The following PUM2 variants were observed in gnomAD, a reference collection of about 807,000 sequenced individuals.
PUM2 encodes the protein pumilio homolog 2.
PUM2 carries 57 observed loss-of-function variants against 124.5 expected under a neutral mutation model. The observed-to-expected ratio is 0.46, with a 90% CI of 0.37 to 0.57. PUM2 has a LOEUF of 0.57. Ranked by LOEUF, PUM2 falls within the 20% of genes least tolerant of loss-of-function variation. The probability of loss-of-function intolerance (pLI) is 0.00; values close to 1 mark genes in which losing one functional copy is unlikely to be tolerated. For missense variants in PUM2, 1,065 were observed against 1,290.6 expected (o/e 0.83, Z 2.68); for synonymous variants, 460 against 446.1 (o/e 1.03, Z -0.39).
At chr2:20,341,890 G>A (rs1687292449) in intron 1 of PUM2, among the ~76,000 whole-genome samples, 1 of 152,148 alleles carries the variant, frequency 6.6e-6, no homozygotes. Context: ...AGCACTTTGG[G>A]AGGCTGAGAC....
chr2:20,311,964 A>C (rs1201003084), intron 4 of PUM2, among the ~76,000 whole-genome samples: 1 of 152,174 alleles, frequency 6.6e-6, no homozygotes, highest in East Asian at 1.9e-4. Context: ...CAGATCAAGC[A>C]CTACCAGGAA....
Position 20,350,648 on chromosome 2 carries a change from A to G in PUM2, c.-70T>C. The G allele has an allele frequency of 1.0e-6, 1 of 985,346 alleles. No homozygotes were observed. Among genetic ancestry groups the G allele is most frequent in the Non-Finnish European group, 1.2e-6 (1 of 829,978 alleles). 61.0% of individuals were successfully genotyped at this position (985,346 alleles called of 1,614,324 possible). ...GCCGGGGACACCGACCGTTGGGCAC[A>G]CGGCGGCGTCGCTCTTGGCGGTCCT... On this transcript the variant is annotated 5_prime_UTR_variant, in exon 1 of 21. Coordinates refer to ENST00000361078, the MANE Select transcript of PUM2 (RefSeq NM_015317.5).
chr2:20,278,928 G>A, intron 12 of PUM2, 109 bp from the exon 13 acceptor site: 1 of 805,596 alleles, frequency 1.2e-6, no homozygotes, highest in Non-Finnish European at 2.0e-6. Flanking sequence ...ATTATTTTTA[G>A]AAACATTTTG....
Position 20,283,360 on chromosome 2 carries a change from G to T in PUM2, c.1418C>A (p.Ser473Ter). The T allele has an allele frequency of 6.2e-7, 1 of 1,614,056 alleles. No homozygotes were observed. The highest frequency in any genetic ancestry group is 8.5e-7 in the Non-Finnish European group (1 of 1,180,012). ...ACACTTACCAGCTTGTGCTGCTGCT[G>T]AACTAATTAAAACAGGTGTTGGAGC... ...LMAPTPVLISSAAAQAAAAAA... is the reference protein window; with the variant it reads ...LMAPTPVLIS The change falls in exon 11 of 21, where the codon TCA becomes TAA. Residue 473 changes from serine to a stop codon, truncating the protein, a stop_gained. Transcript: ENST00000361078. LOFTEE classifies it high-confidence loss of function.
At chr2:20,305,308 A>C (rs2148481669) in intron 7 of PUM2, among the ~76,000 whole-genome samples, 1 of 151,990 alleles carries the variant, frequency 6.6e-6, no homozygotes, top group Non-Finnish European at 1.5e-5. Context: ...AATAGGGTGA[A>C]TCCCCGTCTC....
chr2:20,325,028 A>C (rs1311373681), intron 2 of PUM2, among the ~76,000 whole-genome samples: 1 of 152,086 alleles, frequency 6.6e-6, no homozygotes, highest in East Asian at 1.9e-4. Flanking sequence ...TCTGGGATAT[A>C]ACAAAAACAA....
At chr2:20,346,175 T>C (rs1313468266) in intron 1 of PUM2, among the ~76,000 whole-genome samples, 1 of 152,236 alleles carries the variant, frequency 6.6e-6, no homozygotes, top group African/African-American at 2.4e-5. Flanking sequence ...GGAGCCACTA[T>C]CCTCTCAACT....
intron 1 of PUM2, among the ~76,000 whole-genome samples, chr2:20,339,181 C>T (rs1023143193): frequency 6.6e-6 from 1 of 151,134 alleles, no homozygotes; most frequent in African/African-American, 2.4e-5. Flanking sequence ...CCTAAATATA[C>T]TTACATGCAG....
chr2:20,296,388 G>T (rs1294171865), intron 8 of PUM2, among the ~76,000 whole-genome samples: 1 of 151,966 alleles, frequency 6.6e-6, no homozygotes, highest in East Asian at 1.9e-4. Flanking sequence ...CCAGCTACTC[G>T]GGAGGCTGAG....
intron 1 of PUM2, among the ~76,000 whole-genome samples, chr2:20,329,418 C>T (rs181961995): frequency 3.9e-4 from 54 of 137,324 alleles, no homozygotes; most frequent in Non-Finnish European, 6.9e-4. Context: ...GGTAATAGAA[C>T]GAGAGCCCCC....
At chr2:20,258,768 C>T (rs984915987) in intron 15 of PUM2, among the ~76,000 whole-genome samples, 1 of 149,458 alleles carries the variant, frequency 6.7e-6, no homozygotes, top group Admixed American at 6.7e-5. Context: ...CCCGGGTTCA[C>T]GCCATTCTCC....
chr2:20,332,987 G>GA (rs942056888), intron 1 of PUM2: 2 of 152,080 alleles, frequency 1.3e-5, no homozygotes, highest in Non-Finnish European at 2.9e-5. Flanking sequence ...ATATACGACA[G>GA]AAACTTTTCT....
At position 20,257,532 on chromosome 2, in the gene PUM2, T is replaced by C. The variant is rs569262432; in HGVS notation, c.2484+711A>G. Among the ~76,000 whole-genome samples, 13 of 152,296 alleles carry C rather than the reference T, an allele frequency of 8.5e-5. 1 individual carries two copies. The South Asian group carries it at 1.7e-3, about 19-fold the overall frequency. On this transcript the variant is annotated intron_variant, in intron 16 of 20. Coordinates refer to ENST00000361078, the MANE Select transcript of PUM2 (RefSeq NM_015317.5). ...GTATTGATTTGGGGCTATAAATTTC[T>C]TATTAAAAGTCTGTTTAATCTTCTA...
chr2:20,306,710 G>C (rs1249520862), intron 7 of PUM2, among the ~76,000 whole-genome samples: 1 of 150,148 alleles, frequency 6.7e-6, no homozygotes, highest in Non-Finnish European at 1.5e-5. Flanking sequence ...CCAGGTTCAA[G>C]CGATTCTCTG....
chr2:20,290,725 T>C lies in PUM2; in HGVS notation c.1218A>G (p.Ala406=), dbSNP rs764627964. 9 of 1,613,684 alleles carry C rather than the reference T, an allele frequency of 5.6e-6. No individual in the cohort carries two copies. In the East Asian group the frequency reaches 1.8e-4, roughly 32 times the overall value. The change falls in exon 10 of 21, where the codon GCA becomes GCG. Residue 406 remains alanine (A), a synonymous_variant. Transcript: ENST00000361078. Reference sequence around the variant, plus strand: ...CTGCTGCAGCTGCCGCAAGTGATTCTGCTTGCTGCCCTTGCTGACCCTGAT... The same window carrying C: ...CTGCTGCAGCTGCCGCAAGTGATTCCGCTTGCTGCCCTTGCTGACCCTGAT... ...TPNQGQQGQQ[A]ESLAAAAAAN...
intron 2 of PUM2, among the ~76,000 whole-genome samples, chr2:20,321,231 G>A (rs1037358117): frequency 6.6e-6 from 1 of 152,088 alleles, no homozygotes; most frequent in Non-Finnish European, 1.5e-5. Context: ...AGGTTGCAGT[G>A]AGCCGAGATC....
chr2:20,279,751 A>T (rs997056737), intron 12 of PUM2, among the ~76,000 whole-genome samples: 3 of 152,190 alleles, frequency 2.0e-5, no homozygotes, highest in Non-Finnish European at 2.9e-5. Context: ...GAGCTAATCA[A>T]GATCTGGCTG....
intron 12 of PUM2, among the ~76,000 whole-genome samples, chr2:20,281,398 T>C (rs1458332676): frequency 6.6e-6 from 1 of 152,092 alleles, no homozygotes; most frequent in East Asian, 1.9e-4. Context: ...AAGAATTGAG[T>C]AGGGGCCTAG....
chr2:20,278,403 T>G (rs1203004658), intron 13 of PUM2, among the ~76,000 whole-genome samples, 180 bp downstream of exon 13: 2 of 152,118 alleles, frequency 1.3e-5, no homozygotes, highest in African/African-American at 4.8e-5. Context: ...TTATTGTACA[T>G]TAGACCCTCA....
Sources: allele counts gnomAD v4.1 joint callset (sites outside exome capture counted in the v4.1 genomes callset), GRCh38; gene constraint gnomAD v4.1.1; transcripts MANE v1.5; gene names NCBI Gene and HGNC (gene_info 2026-07-23, HGNC 2026-07-21).